SNX29: variants seen among roughly 807,000 people sequenced by gnomAD.
SNX29 encodes sorting nexin 29.
In SNX29, 78 loss-of-function variants were observed where a neutral mutation model predicts 102.1. That is an observed-to-expected ratio of 0.76 (90% CI 0.64 to 0.92). The LOEUF (loss-of-function observed/expected upper bound fraction) is 0.92, where lower values mean the gene tolerates loss of function less well. SNX29 is among the 40% of genes least tolerant of loss of function. SNX29 has a pLI of 0.00. For synonymous variants in SNX29, 580 were observed against 414.5 expected, an observed-to-expected ratio of 1.40 and a Z score of -4.85; for missense variants, 1,280 against 1,061.7, an observed-to-expected ratio of 1.21 and a Z score of -2.86.
intron 14 of SNX29, among the ~76,000 whole-genome samples, chr16:12,209,700 G>T (rs753502734): frequency 2.0e-5 from 3 of 152,230 alleles, no homozygotes; most frequent in African/African-American, 4.8e-5. Context: ...GAGACCAGCA[G>T]TGGCCCCAAC....
chr16:12,274,003 T>C (rs1381159676), intron 14 of SNX29, among the ~76,000 whole-genome samples: 1 of 152,182 alleles, frequency 6.6e-6, no homozygotes, highest in Admixed American at 6.5e-5. Context: ...TTTGGGTTGT[T>C]TATGCTTTTT....
intron 18 of SNX29, among the ~76,000 whole-genome samples, chr16:12,476,407 T>A (rs1490389923): frequency 4.8e-5 from 1 of 20,696 alleles, no homozygotes; most frequent in African/African-American, 4.7e-4. Flanking sequence ...TATATATATA[T>A]ATATACATAT....
At chr16:12,545,123 C>T (rs1221390925) in intron 20 of SNX29, among the ~76,000 whole-genome samples, 2 of 152,132 alleles carry the variant, frequency 1.3e-5, no homozygotes, top group Admixed American at 6.5e-5. Flanking sequence ...TCTGTGAGGC[C>T]CCACTTACCT....
At chr16:12,477,666 A>C (rs1330676066) in intron 18 of SNX29, 53 bp from the exon 19 acceptor site, 1 of 1,592,524 alleles carries the variant, frequency 6.3e-7, no homozygotes, top group Admixed American at 1.9e-5. Context: ...CCGAAATCCT[A>C]CTCCTTTATA....
chr16:12,485,953 C>A (rs1457598332), intron 19 of SNX29, among the ~76,000 whole-genome samples: 5 of 152,196 alleles, frequency 3.3e-5, no homozygotes, highest in African/African-American at 1.2e-4. Flanking sequence ...CCTTTCTGTA[C>A]ATCCCGGATC....
intron 20 of SNX29, among the ~76,000 whole-genome samples, chr16:12,545,323 G>C (rs1170356307): frequency 2.0e-5 from 3 of 149,132 alleles, no homozygotes; most frequent in African/African-American, 7.3e-5. Context: ...GCATCCACCA[G>C]AGAAAGGGTG....
chr16:12,217,688 G>C, intron 14 of SNX29, among the ~76,000 whole-genome samples: 1 of 152,314 alleles, frequency 6.6e-6, no homozygotes, highest in African/African-American at 2.4e-5. Flanking sequence ...TGTTCTTGGA[G>C]CATGAATGAT....
intron 14 of SNX29, among the ~76,000 whole-genome samples, chr16:12,235,377 T>C (rs879649236): frequency 1.3e-5 from 2 of 152,174 alleles, no homozygotes; most frequent in Non-Finnish European, 2.9e-5. Context: ...GGGCCTGCGG[T>C]ACTTAATTTG....
At chr16:12,295,713 C>T (rs990553677) in intron 15 of SNX29, among the ~76,000 whole-genome samples, 4 of 152,170 alleles carry the variant, frequency 2.6e-5, no homozygotes, top group African/African-American at 9.7e-5. Context: ...ACAGGCAACT[C>T]TCTGCCCTGC....
chr16:12,568,578 G>T lies in SNX29; in HGVS notation c.2391G>T (p.Arg797=), dbSNP rs772176966. The T allele has an allele frequency of 6.2e-7, 1 of 1,607,634 alleles. No homozygotes were observed. Among genetic ancestry groups the T allele is most frequent in the South Asian group, 1.1e-5 (1 of 91,082 alleles). ...CTTCCCGCTTCCCCAAACTGTCCCG[G>T]GGTCAGCCCCGGGAGACCCGCAACG... ...KAASRFPKLS[R]GQPRETRNVE... is the part of the protein sequence containing the mutation. The change falls in exon 21 of 21, where the codon CGG becomes CGT. Residue 797 remains arginine, a synonymous_variant. Transcript: ENST00000566228.
intron 12 of SNX29, 108 bp from the exon 13 acceptor site, chr16:12,129,521 CT>C: frequency 1.0e-5 from 14 of 1,378,392 alleles, no homozygotes; most frequent in Non-Finnish European, 1.2e-5. Flanking sequence ...TATGCAGAGC[CT>C]TGTGGAAAAC....
intron 19 of SNX29, among the ~76,000 whole-genome samples, chr16:12,481,584 G>A (rs1443446161): frequency 1.3e-5 from 2 of 151,130 alleles, no homozygotes; most frequent in Non-Finnish European, 2.9e-5. Flanking sequence ...GCCCAGGGTG[G>A]AGTGCAGTGG....
chr16:12,261,575 T>G, intron 14 of SNX29, among the ~76,000 whole-genome samples: 1 of 106,890 alleles, frequency 9.4e-6, no homozygotes. Context: ...TCGGTCTGTG[T>G]GTGCATCCCT....
At chr16:12,407,140 A>G (rs1049743695) in intron 18 of SNX29, among the ~76,000 whole-genome samples, 2 of 150,812 alleles carry the variant, frequency 1.3e-5, no homozygotes, top group African/African-American at 4.9e-5. Context: ...CACACTGGCC[A>G]TGAAAGGCCA....
At chr16:12,435,853 A>T (rs1469497638) in intron 18 of SNX29, among the ~76,000 whole-genome samples, 1 of 152,158 alleles carries the variant, frequency 6.6e-6, no homozygotes, top group African/African-American at 2.4e-5. Flanking sequence ...TGGCAGGTGT[A>T]GTCCCAGCTG....
Position 12,287,457 on chromosome 16 carries a change from A to G in SNX29, c.1782+9421A>G, listed in dbSNP as rs142388230. ...TCCATATACTCATCACCCTACTTCA[A>G]TAGTTATCAACTCTTGTCCAGTCTT... On this transcript the variant is annotated intron_variant, in intron 15 of 20. Transcript: ENST00000566228. Among the ~76,000 whole-genome samples the G allele has an allele frequency of 4.6e-5, 7 of 152,270 alleles. No homozygotes were observed. The East Asian group carries it at 5.8e-4, about 13-fold the overall frequency.
intron 20 of SNX29, among the ~76,000 whole-genome samples, chr16:12,548,532 C>T (rs1186322796): frequency 6.6e-6 from 1 of 152,200 alleles, no homozygotes; most frequent in African/African-American, 2.4e-5. Context: ...AGGGTGCAGC[C>T]TTCTGGGAAT....
At chr16:12,222,538 C>G (rs548468434) in intron 14 of SNX29, among the ~76,000 whole-genome samples, 1 of 152,262 alleles carries the variant, frequency 6.6e-6, no homozygotes, top group African/African-American at 2.4e-5. Flanking sequence ...CTGGCTACTT[C>G]ATATCTGGGT....
chr16:12,462,482 T>C (rs977554606), intron 18 of SNX29, among the ~76,000 whole-genome samples: 3 of 152,192 alleles, frequency 2.0e-5, no homozygotes, highest in African/African-American at 7.2e-5. Context: ...GAAAGAAATC[T>C]GGAAATCTTG....
Sources: gnomAD v4.1 joint callset for allele counts (sites outside exome capture counted in the v4.1 genomes callset) on GRCh38, gnomAD v4.1.1 for gene constraint, MANE v1.5 for transcripts, NCBI Gene and HGNC (gene_info 2026-07-23, HGNC 2026-07-21) for gene names.